GALNT17: variants seen among roughly 807,000 people sequenced by gnomAD.
The protein encoded by GALNT17 is polypeptide N-acetylgalactosaminyltransferase 17.
In GALNT17, 29 loss-of-function variants were observed where a neutral mutation model predicts 63.7. The ratio of observed to expected loss-of-function variants is 0.46; its 90% CI spans 0.34 to 0.62. GALNT17 has a LOEUF of 0.62. GALNT17 is among the 20% of genes least tolerant of loss of function. The probability of loss-of-function intolerance (pLI) is 0.01; values close to 1 mark genes in which losing one functional copy is unlikely to be tolerated. For missense variants in GALNT17, 603 were observed against 799.6 expected, an observed-to-expected ratio of 0.75 and a Z score of 2.97; for synonymous variants, 305 against 318.3, an observed-to-expected ratio of 0.96 and a Z score of 0.45.
chr7:71,210,672 A>G (rs1190150100), intron 1 of GALNT17, among the ~76,000 whole-genome samples: 1 of 152,246 alleles, frequency 6.6e-6, no homozygotes, highest in Non-Finnish European at 1.5e-5. Context: ...TGCAGTGGAC[A>G]GGAGAGGTTG....
rs569816925 is a variant in GALNT17 at position 71,546,512 on chromosome 7, T to C, written c.963-24773T>C. Among the ~76,000 whole-genome samples, 55 of 152,252 alleles carry C rather than the reference T, an allele frequency of 3.6e-4. No individual in the cohort carries two copies. The South Asian group carries it at 0.011, about 29-fold the overall frequency. ...TCAAGAAGAGACAGACAGGTTTCCT[T>C]GTGATTTATGATTAGAGTAGATTTT... On this transcript the variant is annotated intron_variant, in intron 5 of 10. Coordinates refer to ENST00000333538, the MANE Select transcript of GALNT17 (RefSeq NM_022479.3).
chr7:71,588,860 C>T (rs1182908387), intron 6 of GALNT17, among the ~76,000 whole-genome samples: 1 of 151,856 alleles, frequency 6.6e-6, no homozygotes, highest in African/African-American at 2.4e-5. Context: ...CAAGAACTTC[C>T]AGACATAAGA....
intron 2 of GALNT17, among the ~76,000 whole-genome samples, chr7:71,378,143 G>A (rs1396962293): frequency 2.0e-5 from 3 of 152,198 alleles, no homozygotes; most frequent in African/African-American, 7.2e-5. Context: ...GGACTCAAAT[G>A]CTAGAGTAGA....
rs1467558147 is a variant in GALNT17, at chr7:71,502,796, T to C, written c.963-68489T>C. On this transcript the variant is annotated intron_variant, in intron 5 of 10. Transcript: ENST00000333538. ...TGAGCTTGACCCCCAATTGTAGATT[T>C]GTGAACAAATATATTGTTTTCATAA... 2.6e-5 allele frequency among the ~76,000 whole-genome samples: 4 copies of C among 152,204 alleles called. No homozygotes were observed. In the East Asian group the frequency reaches 7.7e-4, roughly 29 times the overall value.
chr7:71,498,701 G>A (rs1159911987), intron 5 of GALNT17, among the ~76,000 whole-genome samples: 1 of 152,136 alleles, frequency 6.6e-6, no homozygotes, highest in Non-Finnish European at 1.5e-5. Flanking sequence ...GAATATGACT[G>A]GGGACTGGGG....
At chr7:71,616,322 T>C (rs1299666667) in intron 6 of GALNT17, among the ~76,000 whole-genome samples, 2 of 152,088 alleles carry the variant, frequency 1.3e-5, no homozygotes, top group African/African-American at 4.8e-5. Context: ...TTGCTTCTCT[T>C]GTCCTCACTC....
chr7:71,346,943 T>C (rs557780935), intron 2 of GALNT17, among the ~76,000 whole-genome samples: 3 of 152,292 alleles, frequency 2.0e-5, no homozygotes, highest in South Asian at 4.1e-4. Flanking sequence ...TATTTTTTTT[T>C]TTAAATAAAA....
chr7:71,417,127 A>G (rs1410941624), intron 4 of GALNT17, among the ~76,000 whole-genome samples: 3 of 152,208 alleles, frequency 2.0e-5, no homozygotes, highest in Non-Finnish European at 2.9e-5. Flanking sequence ...GTATTTCACA[A>G]ATATGTTTAT....
At position 71,148,888 on chromosome 7, in the gene GALNT17, A is replaced by G. The variant is rs1001899994; in HGVS notation, c.238+15848A>G. 1.3e-4 allele frequency among the ~76,000 whole-genome samples: 18 copies of G among 142,182 alleles called. No individual in the cohort carries two copies. In the East Asian group the frequency reaches 3.6e-3, roughly 29 times the overall value. 93.3% of individuals were successfully genotyped at this position (142,182 alleles called of 152,430 possible). On this transcript the variant is annotated intron_variant, in intron 1 of 10. Coordinates refer to ENST00000333538, the MANE Select transcript of GALNT17 (RefSeq NM_022479.3). The stretch of plus-strand genomic sequence containing the variant: ...TATATATATATATATATATATATAT[A>G]TATATGTATACCATAGTTAACCATA...
At chr7:71,183,516 A>G (rs1196419810) in intron 1 of GALNT17, among the ~76,000 whole-genome samples, 1 of 152,112 alleles carries the variant, frequency 6.6e-6, no homozygotes, top group Admixed American at 6.6e-5. Context: ...GTAAGAGTTG[A>G]TTCCAGATAT....
Position 71,548,241 on chromosome 7 carries a change from CAA to C in GALNT17, c.963-23029_963-23028del, listed in dbSNP as rs200104834. 1.9e-3 allele frequency among the ~76,000 whole-genome samples: 261 copies of C among 134,866 alleles called. 1 individual carries two copies. Among genetic ancestry groups the C allele is most frequent in the South Asian group, 9.6e-3 (37 of 3,858 alleles). The allele number at this position is 134,866 out of a possible 152,430, so 88.5% of individuals were successfully genotyped here. On this transcript the variant is annotated intron_variant, in intron 5 of 10. Coordinates refer to ENST00000333538, the MANE Select transcript of GALNT17 (RefSeq NM_022479.3). ...TGGGCAACAGAGCAGGAGTCTGTCT[CAA>C]AAAAAAAAAAAAAAGTTAATAGAAA... is the stretch of plus-strand genomic sequence containing the variant.
intron 5 of GALNT17, among the ~76,000 whole-genome samples, chr7:71,452,874 T>G (rs984825293): frequency 1.3e-5 from 2 of 152,178 alleles, no homozygotes; most frequent in Non-Finnish European, 1.5e-5. Context: ...TAGTCAGTGT[T>G]TTCTCTGTGC....
At chr7:71,259,100 C>A (rs569856448) in intron 1 of GALNT17, among the ~76,000 whole-genome samples, 24 of 152,174 alleles carry the variant, frequency 1.6e-4, no homozygotes, top group African/African-American at 5.8e-4. Flanking sequence ...AGCGGGGAGA[C>A]CTAGGTTGAG....
At chr7:71,585,590 G>A (rs938810601) in intron 6 of GALNT17, among the ~76,000 whole-genome samples, 9 of 152,022 alleles carry the variant, frequency 5.9e-5, no homozygotes, top group African/African-American at 2.2e-4. Flanking sequence ...GATGACCAAT[G>A]AGGTTTTCTT....
chr7:71,287,764 A>G (rs899423032), intron 1 of GALNT17, among the ~76,000 whole-genome samples: 1 of 152,190 alleles, frequency 6.6e-6, no homozygotes, highest in Non-Finnish European at 1.5e-5. Context: ...GAAAATCCTA[A>G]GGAATGGCTA....
intron 3 of GALNT17, among the ~76,000 whole-genome samples, chr7:71,393,358 T>C (rs1310189935): frequency 6.6e-6 from 1 of 152,210 alleles, no homozygotes; most frequent in East Asian, 1.9e-4. Context: ...GTGCTCTTTG[T>C]TGGAAAATTC....
At chr7:71,494,858 G>C (rs1328486863) in intron 5 of GALNT17, among the ~76,000 whole-genome samples, 1 of 152,326 alleles carries the variant, frequency 6.6e-6, no homozygotes, top group South Asian at 2.1e-4. Flanking sequence ...AGGAAAGCTT[G>C]TGCGGGGGAA....
chr7:71,316,643 C>G (rs1791506396), intron 1 of GALNT17, among the ~76,000 whole-genome samples: 2 of 152,090 alleles, frequency 1.3e-5, no homozygotes, highest in African/African-American at 4.8e-5. Context: ...GCTGATGGTA[C>G]CACCCATACC....
In GALNT17 at chr7:71,259,638, G is replaced by GTTTTTTTTTTT. The variant is rs1219751607; in HGVS notation, c.239-75905_239-75904insTTTTTTTTTTT. Among the ~76,000 whole-genome samples the GTTTTTTTTTTT allele has an allele frequency of 5.0e-3, 695 of 137,852 alleles. 17 individuals carry two copies. The highest frequency in any genetic ancestry group is 0.01 in the East Asian group (47 of 4,580). The allele number at this position is 137,852 out of a possible 152,430, so 90.4% of individuals were successfully genotyped here. A position where few individuals can be genotyped will look rare whatever the true frequency, so the allele number is the denominator to read the frequency against. ...AGATCTTGGTCCTGTTTTGTTTTTT[G>GTTTTTTTTTTT]TTTTTTTGTTTTTTTTTTTTTGAGA... is the stretch of plus-strand genomic sequence containing the variant. On this transcript the variant is annotated intron_variant, in intron 1 of 10. Coordinates refer to ENST00000333538, the MANE Select transcript of GALNT17 (RefSeq NM_022479.3).
Sources: allele counts gnomAD v4.1 joint callset (sites outside exome capture counted in the v4.1 genomes callset), GRCh38; gene constraint gnomAD v4.1.1; transcripts MANE v1.5; gene names NCBI Gene and HGNC (gene_info 2026-07-23, HGNC 2026-07-21).